BTBD8: variants seen among roughly 807,000 people sequenced by gnomAD.
The protein encoded by BTBD8 is BTB domain containing 8.
BTBD8 carries 110 observed loss-of-function variants against 162.9 expected under a neutral mutation model. The ratio of observed to expected loss-of-function variants is 0.68; its 90% CI spans 0.58 to 0.79. The LOEUF is 0.79. BTBD8 is among the 30% of genes least tolerant of loss of function. BTBD8 has a pLI of 0.00. For synonymous variants in BTBD8, 667 were observed against 716.1 expected (o/e 0.93, Z 1.10); for missense variants, 1,905 against 2,085.4 (o/e 0.91, Z 1.68).
intron 17 of BTBD8, 33 bp from the exon 18 acceptor site, chr1:92,183,831 T>A (rs746817762): frequency 6.8e-7 from 1 of 1,474,822 alleles, no homozygotes; most frequent in Admixed American, 2.2e-5. Context: ...AACGTGCAAT[T>A]TTTACATTGT....
chr1:92,170,550 C>T (rs1157977017), intron 12 of BTBD8, among the ~76,000 whole-genome samples: 1 of 151,978 alleles, frequency 6.6e-6, no homozygotes, highest in Non-Finnish European at 1.5e-5. Context: ...AGCACATATC[C>T]TATAGAATAG....
chr1:92,179,617 G>C (rs1475967557), intron 16 of BTBD8, among the ~76,000 whole-genome samples: 1 of 152,144 alleles, frequency 6.6e-6, no homozygotes, highest in Non-Finnish European at 1.5e-5. Flanking sequence ...AGATTTGAAT[G>C]TCCAAAATAT....
chr1:92,154,074 C>G (rs1272028310), intron 9 of BTBD8, among the ~76,000 whole-genome samples: 1 of 152,044 alleles, frequency 6.6e-6, no homozygotes, highest in Non-Finnish European at 1.5e-5. Context: ...CTGGAATCTC[C>G]CCACTCTGTC....
intron 13 of BTBD8, among the ~76,000 whole-genome samples, chr1:92,175,451 C>T (rs1167484581): frequency 1.7e-5 from 2 of 117,992 alleles, no homozygotes; most frequent in African/African-American, 6.8e-5. Context: ...TGTACTCCAG[C>T]CTGGCAACAG....
intron 5 of BTBD8, among the ~76,000 whole-genome samples, chr1:92,135,712 A>C (rs930519325): frequency 6.6e-6 from 1 of 152,200 alleles, no homozygotes; most frequent in Non-Finnish European, 1.5e-5. Flanking sequence ...ACAGCAGGAA[A>C]ACTATTTCTT....
intron 1 of BTBD8, among the ~76,000 whole-genome samples, chr1:92,084,764 T>C (rs1297965180): frequency 6.6e-6 from 1 of 152,112 alleles, no homozygotes; most frequent in Non-Finnish European, 1.5e-5. Flanking sequence ...CCTACTGAGG[T>C]TAATAGAGGT....
chr1:92,184,555 A>G lies in BTBD8; in HGVS notation c.*225A>G, dbSNP rs2100698835. 2.7e-6 allele frequency: 1 copy of G among 365,950 alleles called. No individual in the cohort carries two copies. Among genetic ancestry groups the G allele is most frequent in the Non-Finnish European group, 4.9e-6 (1 of 204,488 alleles). The allele number at this position is 365,950 out of a possible 1,614,324, so 22.7% of individuals were successfully genotyped here. A position where few individuals can be genotyped will look rare whatever the true frequency, so the allele number is the denominator to read the frequency against. ...AATTATTAGAGAAATTAGAAGACTT[A>G]TAAGGAAACCCTAGCTTCAGTTTTC... On this transcript the variant is annotated 3_prime_UTR_variant, in exon 18 of 18. Transcript: ENST00000636805.
At chr1:92,139,239 T>C in intron 5 of BTBD8, 111 bp from the exon 6 acceptor site, 1 of 1,167,792 alleles carries the variant, frequency 8.6e-7, no homozygotes, top group South Asian at 1.6e-5. Flanking sequence ...ATTCTTCAGG[T>C]AAAAGGAAGA....
chr1:92,183,995 G>C lies in BTBD8; in HGVS notation c.5044G>C (p.Val1682Leu). ...GCAGAAAGTGGAATCAGAAACACAT[G>C]TTACAGATATGGATTTTGAAGATGA... ...FEQKVESETH[V>L]TDMDFEDDQH... is the part of the protein sequence containing the mutation. Residue 1682 changes from valine (V) to leucine (L), a missense_variant, in exon 18 of 18, where the codon GTT becomes CTT. Around this residue, in one of 3 missense-constraint regions of BTBD8, gnomAD observed 517 missense variants for 606.6 expected, o/e 0.85. Coordinates refer to ENST00000636805, the MANE Select transcript of BTBD8 (RefSeq NM_001376131.1). The C allele has an allele frequency of 6.4e-7, 1 of 1,551,550 alleles. No homozygotes were observed. The highest frequency in any genetic ancestry group is 1.7e-4 in the Middle Eastern group (1 of 5,986).
In BTBD8 at chr1:92,182,490, A is replaced by G. The variant is rs1413965663; in HGVS notation, c.4807A>G (p.Thr1603Ala). ...TTCTGACATACCAAAGAACAGCTCT[A>G]CAAAATCTCTAGACTCCTTTCGGAG... ...PNSDIPKNSS[T>A]KSLDSFRSQV... The change falls in exon 17 of 18, where the codon ACA becomes GCA. Residue 1603 changes from threonine (T) to alanine (A), a missense_variant. Physicochemically the swap from Thr to Ala is moderately conservative, Grantham distance 58 (BLOSUM62 0). Around this residue, in one of 3 missense-constraint regions of BTBD8, gnomAD observed 517 missense variants for 606.6 expected, o/e 0.85. Transcript: ENST00000636805. The G allele has an allele frequency of 3.9e-6, 6 of 1,551,248 alleles. No individual in the cohort carries two copies. The African/African-American group carries it at 5.5e-5, about 14-fold the overall frequency.
Position 92,103,551 on chromosome 1 carries a change from G to T in BTBD8, c.544+882G>T, listed in dbSNP as rs147131139. Among the ~76,000 whole-genome samples the T allele has an allele frequency of 4.9e-3, 743 of 152,242 alleles. 4 individuals carry two copies. The highest frequency in any genetic ancestry group is 0.018 in the South Asian group (86 of 4,820). On this transcript the variant is annotated intron_variant, in intron 3 of 17. Transcript: ENST00000636805. ...AAACTCCGTGAGGCACTGCAGTGAG[G>T]GCCTGATGTTACCTAGCCCATGCAG...
chr1:92,161,499 A>G (rs1340451490), intron 9 of BTBD8, among the ~76,000 whole-genome samples: 4 of 152,228 alleles, frequency 2.6e-5, no homozygotes, highest in Non-Finnish European at 4.4e-5. Context: ...TTATAACACT[A>G]ATTTTCCTAA....
At chr1:92,165,763 C>T (rs1570752951) in intron 9 of BTBD8, among the ~76,000 whole-genome samples, 1 of 152,130 alleles carries the variant, frequency 6.6e-6, no homozygotes, top group Non-Finnish European at 1.5e-5. Context: ...CTGGTGGTCC[C>T]AGGATTCTCA....
intron 2 of BTBD8, among the ~76,000 whole-genome samples, chr1:92,092,158 T>TG (rs1422582289): frequency 6.6e-6 from 1 of 152,078 alleles, no homozygotes; most frequent in Non-Finnish European, 1.5e-5. Context: ...CCCAGCACTT[T>TG]GGGGGGCTGA....
At position 92,180,818 on chromosome 1, in the gene BTBD8, A is replaced by G. The variant is rs1650871810; in HGVS notation, c.3135A>G (p.Lys1045=). The G allele has an allele frequency of 4.5e-6, 7 of 1,551,618 alleles. No individual in the cohort carries two copies. The highest frequency in any genetic ancestry group is 6.1e-6 in the Non-Finnish European group (7 of 1,146,982). Residue 1045 remains lysine, a synonymous_variant, in exon 17 of 18, where the codon AAA becomes AAG. Coordinates refer to ENST00000636805, the MANE Select transcript of BTBD8 (RefSeq NM_001376131.1). ...CATTAAAACACGAACTGGAATCAAA[A>G]CAGATTTGTTTAGATAAAAGTGAAA... The part of the protein sequence containing the change: ...DKSLKHELES[K]QICLDKSETK...
chr1:92,118,614 T>C (rs1225907071), intron 4 of BTBD8, among the ~76,000 whole-genome samples: 1 of 151,916 alleles, frequency 6.6e-6, no homozygotes. Context: ...CATATTTAAG[T>C]GATAGAAAGT....
At chr1:92,105,366 C>T (rs1421616191) in intron 3 of BTBD8, among the ~76,000 whole-genome samples, 1 of 152,208 alleles carries the variant, frequency 6.6e-6, no homozygotes, top group Non-Finnish European at 1.5e-5. Flanking sequence ...GATCCTCCCA[C>T]CTCAGCCTCT....
At chr1:92,108,881 ATCT>A (rs1648813090) in intron 4 of BTBD8, among the ~76,000 whole-genome samples, 1 of 152,204 alleles carries the variant, frequency 6.6e-6, no homozygotes, top group Admixed American at 6.5e-5. Flanking sequence ...GCAAGTGGTA[ATCT>A]TCTAGGTTCA....
rs905843721 is a variant in BTBD8, at chr1:92,119,287, C to CTT, written c.663-10385_663-10384dup. Among the ~76,000 whole-genome samples, 42 of 132,830 alleles carry CTT rather than the reference C, an allele frequency of 3.2e-4. 1 individual carries two copies. The highest frequency in any genetic ancestry group is 9.6e-4 in the African/African-American group (34 of 35,430). The allele number at this position is 132,830 out of a possible 152,430, so 87.1% of individuals were successfully genotyped here. A position where few individuals can be genotyped will look rare whatever the true frequency, so the allele number is the denominator to read the frequency against. On this transcript the variant is annotated intron_variant, in intron 4 of 17. Transcript: ENST00000636805. ...GCTGTACAAATTTTTTTCTTTTTTTCTTTTTTTTTTTTTTTTGAGACAGGG... is the reference window on the plus strand; with the variant it reads ...GCTGTACAAATTTTTTTCTTTTTTTCTTTTTTTTTTTTTTTTTTGAGACAGGG...
Sources: gnomAD v4.1 joint callset for allele counts (sites outside exome capture counted in the v4.1 genomes callset) on GRCh38, gnomAD v4.1.1 for gene constraint, gnomAD v4.1.1 regional missense constraint, MANE v1.5 for transcripts, NCBI Gene and HGNC (gene_info 2026-07-23, HGNC 2026-07-21) for gene names.